NPAS2: variants seen among roughly 807,000 people sequenced by gnomAD.
The protein encoded by NPAS2 is neuronal PAS domain-containing protein 2.
NPAS2 carries 23 observed loss-of-function variants against 107.5 expected under a neutral mutation model. The ratio of observed to expected loss-of-function variants is 0.21; its 90% confidence interval spans 0.15 to 0.30. The LOEUF is 0.30. Ranked by LOEUF, NPAS2 falls within the 10% of genes least tolerant of loss-of-function variation. NPAS2 has a pLI of 1.00. For missense variants in NPAS2, 756 were observed against 1,043.3 expected (o/e 0.72, Z 3.79); for synonymous variants, 403 against 417.5 (o/e 0.97, Z 0.42).
At chr2:100,971,188 A>T in intron 12 of NPAS2, 114 bp downstream of exon 12, 2 of 882,466 alleles carry the variant, frequency 2.3e-6, no homozygotes, top group Non-Finnish European at 3.5e-6. Flanking sequence ...CAACCAAGCT[A>T]TTCAGGAGGC....
At chr2:100,896,790 G>C (rs912655473) in intron 1 of NPAS2, among the ~76,000 whole-genome samples, 6 of 152,120 alleles carry the variant, frequency 3.9e-5, no homozygotes, top group African/African-American at 1.2e-4. Flanking sequence ...TCAGATGGGG[G>C]TTTGGCCCTG....
chr2:100,905,221 G>A (rs968758398), intron 2 of NPAS2, among the ~76,000 whole-genome samples: 4 of 152,110 alleles, frequency 2.6e-5, no homozygotes, highest in Admixed American at 1.3e-4. Flanking sequence ...CAGTGAGCAT[G>A]CAGTCATCAC....
At chr2:100,900,246 A>G (rs1681686258) in intron 1 of NPAS2, among the ~76,000 whole-genome samples, 1 of 152,236 alleles carries the variant, frequency 6.6e-6, no homozygotes, top group Non-Finnish European at 1.5e-5. Flanking sequence ...TATGATCAGT[A>G]TGATGAAGAC....
At chr2:100,912,718 A>G (rs1364879031) in intron 2 of NPAS2, among the ~76,000 whole-genome samples, 2 of 152,240 alleles carry the variant, frequency 1.3e-5, no homozygotes, top group Admixed American at 1.3e-4. Context: ...GTTGCATTCA[A>G]GGGCGAATGT....
intron 2 of NPAS2, among the ~76,000 whole-genome samples, chr2:100,910,258 T>C (rs1466123509): frequency 6.6e-6 from 1 of 152,204 alleles, no homozygotes; most frequent in African/African-American, 2.4e-5. Flanking sequence ...TCCAATTAAA[T>C]GGTGCCTGTG....
chr2:100,985,137 C>T (rs1246791487), intron 16 of NPAS2: 4 of 152,292 alleles, frequency 2.6e-5, no homozygotes, highest in Admixed American at 6.5e-5. Flanking sequence ...ATCCATCCTT[C>T]CTTCCATCCA....
At chr2:100,853,326 T>C (rs1229086317) in intron 1 of NPAS2, among the ~76,000 whole-genome samples, 1 of 152,190 alleles carries the variant, frequency 6.6e-6, no homozygotes, top group Non-Finnish European at 1.5e-5. Context: ...TCAATTTACA[T>C]TTATTAGAAT....
At chr2:100,922,347 C>T (rs1360514968) in intron 2 of NPAS2, among the ~76,000 whole-genome samples, 2 of 152,018 alleles carry the variant, frequency 1.3e-5, no homozygotes, top group African/African-American at 4.8e-5. Context: ...TTGTGGAGGC[C>T]GAGGCTGGTG....
chr2:100,925,523 A>T (rs1015171943), intron 3 of NPAS2, among the ~76,000 whole-genome samples: 4 of 152,196 alleles, frequency 2.6e-5, no homozygotes, highest in Non-Finnish European at 5.9e-5. Flanking sequence ...GAGAGAATCC[A>T]AAACAACCTC....
At chr2:100,966,261 G>T (rs1349284802) in intron 10 of NPAS2, among the ~76,000 whole-genome samples, 1 of 152,082 alleles carries the variant, frequency 6.6e-6, no homozygotes, top group Non-Finnish European at 1.5e-5. Context: ...GATGTGGTCG[G>T]TGCATTGAAG....
Position 100,946,760 on chromosome 2 carries a change from A to G in NPAS2, c.364-1475A>G, listed in dbSNP as rs183895040. ...CCAAATCATTCCCAGGCAAGAGAGG[A>G]TGGGGGTCTGGACTAGGGTGGAAGC... On this transcript the variant is annotated intron_variant, in intron 5 of 20. Transcript: ENST00000335681. 3.9e-5 allele frequency among the ~76,000 whole-genome samples: 6 copies of G among 152,198 alleles called. No individual in the cohort carries two copies. In the East Asian group the frequency reaches 1.2e-3, roughly 29 times the overall value.
intron 1 of NPAS2, among the ~76,000 whole-genome samples, chr2:100,861,035 A>ATTTT (rs3042733): frequency 7.0e-6 from 1 of 143,844 alleles, no homozygotes; most frequent in African/African-American, 2.5e-5. Flanking sequence ...CCCCCAGCTA[A>ATTTT]TTTTTTTTTT....
At chr2:100,825,576 G>A (rs1676323183) in intron 1 of NPAS2, among the ~76,000 whole-genome samples, 1 of 152,164 alleles carries the variant, frequency 6.6e-6, no homozygotes, top group Admixed American at 6.5e-5. Flanking sequence ...ATTTTGTACA[G>A]TAGACTGCCA....
At chr2:100,943,000 G>T (rs1573679355) in intron 5 of NPAS2, among the ~76,000 whole-genome samples, 1 of 152,312 alleles carries the variant, frequency 6.6e-6, no homozygotes, top group East Asian at 1.9e-4. Context: ...GGGATTCTTG[G>T]AAGGTGCTTC....
chr2:100,820,897 C>G lies in NPAS2; in HGVS notation c.-23+483C>G. The G allele has an allele frequency of 2.0e-6, 1 of 492,698 alleles. No individual in the cohort carries two copies. Among genetic ancestry groups the G allele is most frequent in the South Asian group, 2.0e-5 (1 of 49,368 alleles). The allele number at this position is 492,698 out of a possible 1,614,324, so 30.5% of individuals were successfully genotyped here. A position where few individuals can be genotyped will look rare whatever the true frequency, so the allele number is the denominator to read the frequency against. On this transcript the variant is annotated intron_variant, in intron 1 of 20. Coordinates refer to ENST00000335681, the MANE Select transcript of NPAS2 (RefSeq NM_002518.4). The surrounding 1 kb of genome is among the most constrained non-coding windows in gnomAD (Gnocchi z 5.6). Reference sequence around the variant, plus strand: ...CCGCGGTCTCTCGGAGTCCCTGGGTCGGAATTGGTTCCGGGCCGGATTGGG... The same window carrying G: ...CCGCGGTCTCTCGGAGTCCCTGGGTGGGAATTGGTTCCGGGCCGGATTGGG...
chr2:100,895,091 G>A (rs1214661289), intron 1 of NPAS2, among the ~76,000 whole-genome samples: 2 of 145,572 alleles, frequency 1.4e-5, no homozygotes, highest in East Asian at 2.0e-4. Flanking sequence ...ATGTGTGTCT[G>A]TCTGTCCATC....
chr2:100,842,077 A>ACGCGCGCGCGCG (rs1553441809), intron 1 of NPAS2, among the ~76,000 whole-genome samples: 3 of 92,366 alleles, frequency 3.2e-5, no homozygotes, highest in African/African-American at 1.2e-4. Flanking sequence ...GTGTGCATGT[A>ACGCGCGCGCGCG]CGCGCACACA....
At chr2:100,851,504 G>C (rs1418742048) in intron 1 of NPAS2, among the ~76,000 whole-genome samples, 1 of 152,166 alleles carries the variant, frequency 6.6e-6, no homozygotes, top group Non-Finnish European at 1.5e-5. Flanking sequence ...CTCAAGGAAA[G>C]GCTTTACTAA....
intron 1 of NPAS2, among the ~76,000 whole-genome samples, chr2:100,844,070 C>T (rs1438731668): frequency 6.6e-6 from 1 of 152,166 alleles, no homozygotes; most frequent in Non-Finnish European, 1.5e-5. Context: ...CTCCCAGGGC[C>T]GTGTCAGCTC....
Sources: allele counts gnomAD v4.1 joint callset (sites outside exome capture counted in the v4.1 genomes callset), GRCh38; gene constraint gnomAD v4.1.1; non-coding constraint Gnocchi (gnomAD v3.1); transcripts MANE v1.5; gene names NCBI Gene and HGNC (gene_info 2026-07-23, HGNC 2026-07-21).